SLC24A3: variants seen among roughly 807,000 people sequenced by gnomAD.
SLC24A3 encodes solute carrier family 24 member 3.
In SLC24A3, 28 loss-of-function variants were observed where a neutral mutation model predicts 75.8. That is an observed-to-expected ratio of 0.37 (90% CI 0.27 to 0.51). The LOEUF is 0.51. Ranked by LOEUF, SLC24A3 falls within the 20% of genes least tolerant of loss-of-function variation. SLC24A3 has a pLI of 0.94. For synonymous variants in SLC24A3, 372 were observed against 334.1 expected, an observed-to-expected ratio of 1.11 and a Z score of -1.24; for missense variants, 663 against 847.8, an observed-to-expected ratio of 0.78 and a Z score of 2.71.
At chr20:19,512,781 G>T (rs767485445) in intron 2 of SLC24A3, among the ~76,000 whole-genome samples, 5 of 152,184 alleles carry the variant, frequency 3.3e-5, no homozygotes, top group Non-Finnish European at 7.3e-5. Context: ...TGCTCCCTCG[G>T]TCCCTTGTTA....
At chr20:19,327,717 A>C (rs1026427005) in intron 2 of SLC24A3, among the ~76,000 whole-genome samples, 1 of 152,114 alleles carries the variant, frequency 6.6e-6, no homozygotes, top group African/African-American at 2.4e-5. Flanking sequence ...GGTTTCCCCT[A>C]CTTTCATGGT....
At chr20:19,363,523 A>G (rs1193020525) in intron 2 of SLC24A3, among the ~76,000 whole-genome samples, 1 of 152,152 alleles carries the variant, frequency 6.6e-6, no homozygotes, top group African/African-American at 2.4e-5. Flanking sequence ...GTGCTCTATC[A>G]ATGCTGAAAG....
chr20:19,521,726 T>C (rs1195317258), intron 3 of SLC24A3, among the ~76,000 whole-genome samples: 5 of 152,136 alleles, frequency 3.3e-5, no homozygotes, highest in Non-Finnish European at 7.4e-5. Flanking sequence ...CTGAAAGAAT[T>C]ATTTCCCTGG....
chr20:19,653,723 C>T (rs191797154), intron 6 of SLC24A3, among the ~76,000 whole-genome samples: 3 of 152,288 alleles, frequency 2.0e-5, no homozygotes, highest in South Asian at 2.1e-4. Context: ...CCTCAGACTG[C>T]GTGCCAGCTA....
At chr20:19,270,187 G>A (rs1186083600) in intron 1 of SLC24A3, among the ~76,000 whole-genome samples, 2 of 152,112 alleles carry the variant, frequency 1.3e-5, no homozygotes, top group Non-Finnish European at 2.9e-5. Context: ...CCTTTCATGT[G>A]TGTGTACATT....
At chr20:19,669,569 AT>A (rs1252990660) in intron 8 of SLC24A3, among the ~76,000 whole-genome samples, 3 of 152,152 alleles carry the variant, frequency 2.0e-5, no homozygotes, top group Admixed American at 6.5e-5. Flanking sequence ...CCCACAGAGC[AT>A]TCCCGTGTTG....
intron 1 of SLC24A3, among the ~76,000 whole-genome samples, chr20:19,224,489 C>A (rs904964213): frequency 6.6e-6 from 1 of 152,134 alleles, no homozygotes; most frequent in Admixed American, 6.5e-5. Flanking sequence ...GGTATGGTAA[C>A]CTGAACTACG....
In SLC24A3 at chr20:19,212,995, G is replaced by A. The variant is rs779264603; in HGVS notation, c.142+11G>A. 23 of 1,266,082 alleles carry A rather than the reference G, an allele frequency of 1.8e-5. No homozygotes were observed. The highest frequency in any genetic ancestry group is 3.0e-5 in the East Asian group (1 of 33,754). The allele number at this position is 1,266,082 out of a possible 1,614,324, so 78.4% of individuals were successfully genotyped here. On this transcript the variant is annotated intron_variant, in intron 1 of 16. Coordinates refer to ENST00000328041, the MANE Select transcript of SLC24A3 (RefSeq NM_020689.4). ...TGCGAGAGCAGAAGGGTGAGTGCAC[G>A]CTGCCTGCCCCGAGTGGGCGCTGCG... is the stretch of plus-strand genomic sequence containing the variant.
chr20:19,671,663 G>GTTTTTTT (rs2032469139), intron 8 of SLC24A3, among the ~76,000 whole-genome samples: 1 of 150,926 alleles, frequency 6.6e-6, no homozygotes, highest in East Asian at 1.9e-4. Flanking sequence ...TTGTTTTTTT[G>GTTTTTTT]TTTTTTTGTT....
chr20:19,371,199 T>C lies in SLC24A3; in HGVS notation c.271+90112T>C, dbSNP rs544357649. Among the ~76,000 whole-genome samples, 3 of 152,028 alleles carry C rather than the reference T, an allele frequency of 2.0e-5. No individual in the cohort carries two copies. The East Asian group carries it at 5.8e-4, about 30-fold the overall frequency. ...AGGCACCTCAGCATTTCCTCCCCAATAGGGGAGGGAGCAGGGTACATATAG... is the reference window on the plus strand; with the variant it reads ...AGGCACCTCAGCATTTCCTCCCCAACAGGGGAGGGAGCAGGGTACATATAG... On this transcript the variant is annotated intron_variant, in intron 2 of 16. Transcript: ENST00000328041.
At chr20:19,618,595 A>G (rs897408157) in intron 6 of SLC24A3, among the ~76,000 whole-genome samples, 6 of 152,134 alleles carry the variant, frequency 3.9e-5, no homozygotes, top group Non-Finnish European at 8.8e-5. Context: ...GTTGGGGGAG[A>G]GAGAATTCAG....
chr20:19,373,493 A>T (rs1986026217), intron 2 of SLC24A3, among the ~76,000 whole-genome samples: 1 of 152,186 alleles, frequency 6.6e-6, no homozygotes, highest in South Asian at 2.1e-4. Context: ...TGCCATCTCC[A>T]TGCCTTTTTC....
At chr20:19,619,908 G>T (rs367747891) in intron 6 of SLC24A3, among the ~76,000 whole-genome samples, 75 of 152,202 alleles carry the variant, frequency 4.9e-4, no homozygotes, top group African/African-American at 1.7e-3. Context: ...TTGGCTGAGG[G>T]GAAAGTTTAT....
chr20:19,514,810 T>C (rs1217497120), intron 2 of SLC24A3, among the ~76,000 whole-genome samples: 1 of 152,074 alleles, frequency 6.6e-6, no homozygotes, highest in Non-Finnish European at 1.5e-5. Context: ...ATCCCTGTGG[T>C]TGGCATTCTG....
intron 3 of SLC24A3, among the ~76,000 whole-genome samples, chr20:19,566,917 T>C (rs1449920590): frequency 6.6e-6 from 1 of 152,184 alleles, no homozygotes; most frequent in Non-Finnish European, 1.5e-5. Context: ...ATGCTCAACA[T>C]CACTACTCAT....
intron 6 of SLC24A3, among the ~76,000 whole-genome samples, chr20:19,632,201 C>G (rs565785152): frequency 6.6e-6 from 1 of 152,088 alleles, no homozygotes; most frequent in Non-Finnish European, 1.5e-5. Flanking sequence ...GCCTGGCATG[C>G]GAAGTTCCAT....
intron 2 of SLC24A3, among the ~76,000 whole-genome samples, chr20:19,494,140 T>A (rs542854531): frequency 6.0e-5 from 9 of 149,794 alleles, no homozygotes; most frequent in Admixed American, 3.3e-4. Context: ...CCAGGCCCCA[T>A]GTGCCCAGCA....
rs1357589034 is a variant in SLC24A3, at chr20:19,663,437, C to T, written c.688-2427C>T. ...CCTCCTCCTCCTCCTCCTCCTCCGC[C>T]TTCTCATCCTCCTCCACTTCCTCCT... On this transcript the variant is annotated intron_variant, in intron 7 of 16. Transcript: ENST00000328041. Among the ~76,000 whole-genome samples, 48 of 15,308 alleles carry T rather than the reference C, an allele frequency of 3.1e-3. 4 individuals carry two copies. The highest frequency in any genetic ancestry group is 7.9e-3 in the African/African-American group (7 of 888). The allele number at this position is 15,308 out of a possible 152,430, so 10.0% of individuals were successfully genotyped here. A position where few individuals can be genotyped will look rare whatever the true frequency, so the allele number is the denominator to read the frequency against.
chr20:19,562,243 C>T (rs932912391), intron 3 of SLC24A3, among the ~76,000 whole-genome samples: 9 of 151,984 alleles, frequency 5.9e-5, no homozygotes, highest in Non-Finnish European at 8.8e-5. Context: ...AGTGTAGGTC[C>T]TTCTCATTAA....
Sources: gnomAD v4.1 joint callset for allele counts (sites outside exome capture counted in the v4.1 genomes callset) on GRCh38, gnomAD v4.1.1 for gene constraint, MANE v1.5 for transcripts, NCBI Gene and HGNC (gene_info 2026-07-23, HGNC 2026-07-21) for gene names.